The following GALK2 variants were observed in gnomAD, a reference collection of about 807,000 sequenced individuals.
GALK2 encodes galactokinase 2.
Under a neutral mutation model 52.4 loss-of-function variants are expected in GALK2, and 36 were observed. The observed-to-expected ratio is 0.69, with a 90% CI of 0.53 to 0.91. GALK2 has a LOEUF of 0.91. Ranked by LOEUF, GALK2 falls within the 40% of genes least tolerant of loss-of-function variation. GALK2 has a pLI of 0.00. For synonymous variants in GALK2, 176 were observed against 199.1 expected (o/e 0.88, Z 0.98); for missense variants, 579 against 559.1 (o/e 1.04, Z -0.36).
intron 5 of GALK2, among the ~76,000 whole-genome samples, chr15:49,274,631 CTTAAAA>C (rs954081171): frequency 2.0e-5 from 3 of 152,080 alleles, no homozygotes; most frequent in Non-Finnish European, 4.4e-5. Context: ...ACTTTATAAA[CTTAAAA>C]TTAAAAAAAA....
downstream of GALK2, among the ~76,000 whole-genome samples, chr15:49,334,771 G>T (rs969933183): frequency 3.9e-5 from 6 of 152,182 alleles, no homozygotes; most frequent in African/African-American, 1.4e-4. Flanking sequence ...CACCCAAAAG[G>T]GAGGATCATC....
chr15:49,204,665 T>A (rs1025766902), intron 2 of GALK2, among the ~76,000 whole-genome samples: 9 of 152,342 alleles, frequency 5.9e-5, no homozygotes, highest in East Asian at 1.9e-4. Flanking sequence ...CTAGTGATTT[T>A]AAAAATTTTT....
chr15:49,326,282 A>C (rs185410904), intron 9 of GALK2, among the ~76,000 whole-genome samples: 2 of 109,554 alleles, frequency 1.8e-5, no homozygotes, highest in African/African-American at 7.1e-5. Context: ...TTTTTTTGAG[A>C]TGGAGTCTCA....
At chr15:49,258,730 C>CT (rs758397327) in intron 5 of GALK2, among the ~76,000 whole-genome samples, 6 of 149,980 alleles carry the variant, frequency 4.0e-5, no homozygotes, top group Non-Finnish European at 8.9e-5. Context: ...GAATTCTGGT[C>CT]TGTTTTCTCC....
intron 8 of GALK2, among the ~76,000 whole-genome samples, chr15:49,294,403 A>G (rs557664713): frequency 6.6e-6 from 1 of 152,148 alleles, no homozygotes; most frequent in Non-Finnish European, 1.5e-5. Context: ...GTAGAGAATG[A>G]TACAGTATCA....
chr15:49,162,975 A>T (rs2084703349), intron 1 of GALK2, among the ~76,000 whole-genome samples: 1 of 152,242 alleles, frequency 6.6e-6, no homozygotes, highest in South Asian at 2.1e-4. Context: ...TGTTACGCAG[A>T]ATAGATGTGA....
chr15:49,328,720 C>T lies in GALK2; in HGVS notation c.*561C>T. 2 of 1,538,664 alleles carry T rather than the reference C, an allele frequency of 1.3e-6. No individual in the cohort carries two copies. Among genetic ancestry groups the T allele is most frequent in the Non-Finnish European group, 1.8e-6 (2 of 1,139,648 alleles). ...TTAAAGTTTCACAGATCTTCTTGGA[C>T]ATTGTATAATTGAATTTGAATGTGA... On this transcript the variant is annotated 3_prime_UTR_variant, in exon 10 of 10. Coordinates refer to ENST00000560031, the MANE Select transcript of GALK2 (RefSeq NM_002044.4).
At chr15:49,357,151 A>T (rs1225571929) in intron 3 of GALK2, among the ~76,000 whole-genome samples, 9 of 150,368 alleles carry the variant, frequency 6.0e-5, no homozygotes, top group Non-Finnish European at 1.3e-4. Flanking sequence ...CAAAATTGAC[A>T]CCCTAACATC....
At chr15:49,210,432 T>G in intron 2 of GALK2, among the ~76,000 whole-genome samples, 1 of 151,704 alleles carries the variant, frequency 6.6e-6, no homozygotes, top group East Asian at 1.9e-4. Context: ...TTTATTTTAT[T>G]TTATTTTATT....
intron 3 of GALK2, among the ~76,000 whole-genome samples, chr15:49,235,113 T>C (rs1409938346): frequency 6.6e-6 from 1 of 152,172 alleles, no homozygotes; most frequent in Non-Finnish European, 1.5e-5. Flanking sequence ...GGTGGGGAAA[T>C]ACTGTAAATA....
intron 3 of GALK2, among the ~76,000 whole-genome samples, chr15:49,340,302 A>G (rs575352500): frequency 6.6e-6 from 1 of 152,190 alleles, no homozygotes; most frequent in Admixed American, 6.5e-5. Flanking sequence ...GGAAAAGCGC[A>G]GTATCTGGGC....
At chr15:49,366,415 C>T (rs1440566154) in intron 3 of GALK2, 3 of 847,970 alleles carry the variant, frequency 3.5e-6, no homozygotes, top group Non-Finnish European at 6.2e-6. Context: ...TGCCCCATTG[C>T]ACCACAACTG....
chr15:49,171,958 A>C (rs2085129681), intron 1 of GALK2, among the ~76,000 whole-genome samples: 1 of 152,106 alleles, frequency 6.6e-6, no homozygotes, highest in African/African-American at 2.4e-5. Context: ...TTTTTGGTAG[A>C]GACGGAGTTT....
chr15:49,277,841 A>T (rs2141733152), intron 5 of GALK2, among the ~76,000 whole-genome samples: 1 of 152,200 alleles, frequency 6.6e-6, no homozygotes, highest in African/African-American at 2.4e-5. Context: ...TGCTTATGGT[A>T]CTGGGGTGAA....
At chr15:49,218,779 T>C (rs1321139578) in intron 3 of GALK2, among the ~76,000 whole-genome samples, 3 of 152,200 alleles carry the variant, frequency 2.0e-5, no homozygotes, top group South Asian at 2.1e-4. Context: ...TGTGGACATA[T>C]GTTTCATTTC....
chr15:49,227,131 T>C (rs1162769018), intron 3 of GALK2, among the ~76,000 whole-genome samples: 1 of 152,240 alleles, frequency 6.6e-6, no homozygotes, highest in Non-Finnish European at 1.5e-5. Flanking sequence ...TGTAAATTTC[T>C]GTTAGGTCTA....
chr15:49,204,741 A>G (rs1328168999), intron 2 of GALK2, among the ~76,000 whole-genome samples: 1 of 151,988 alleles, frequency 6.6e-6, no homozygotes, highest in Non-Finnish European at 1.5e-5. Flanking sequence ...TACAGGTGGT[A>G]TTTGGTTACA....
At chr15:49,285,073 A>C (rs1437700533) in intron 7 of GALK2, among the ~76,000 whole-genome samples, 3 of 151,218 alleles carry the variant, frequency 2.0e-5, no homozygotes, top group Non-Finnish European at 4.4e-5. Flanking sequence ...TTACTCCTCT[A>C]CCTCCCTCTT....
chr15:49,168,823 C>T (rs951646128), upstream of GALK2, among the ~76,000 whole-genome samples: 3 of 151,212 alleles, frequency 2.0e-5, no homozygotes, highest in African/African-American at 7.3e-5. Context: ...AAACTATTTA[C>T]AAGTGACAGT....
Sources: allele counts gnomAD v4.1 joint callset (sites outside exome capture counted in the v4.1 genomes callset), GRCh38; gene constraint gnomAD v4.1.1; transcripts MANE v1.5; gene names NCBI Gene and HGNC (gene_info 2026-07-23, HGNC 2026-07-21).